The following PIP5K1B variants were observed in gnomAD, a reference collection of about 807,000 sequenced individuals.
PIP5K1B encodes the protein phosphatidylinositol-4-phosphate 5-kinase type 1 beta, also known as phosphatidylinositol 4-phosphate 5-kinase type-1 beta.
In PIP5K1B, 42 loss-of-function variants were observed where a neutral mutation model predicts 67.0. The ratio of observed to expected loss-of-function variants is 0.63; its 90% CI spans 0.49 to 0.81. The LOEUF is 0.81. Ranked by LOEUF, PIP5K1B falls within the 30% of genes least tolerant of loss-of-function variation. PIP5K1B has a pLI of 0.00. For synonymous variants in PIP5K1B, 214 were observed against 231.4 expected (o/e 0.92, Z 0.68); for missense variants, 459 against 646.3 (o/e 0.71, Z 3.14).
At chr9:68,960,850 C>G (rs930128333) in intron 14 of PIP5K1B, among the ~76,000 whole-genome samples, 2 of 152,134 alleles carry the variant, frequency 1.3e-5, no homozygotes, top group Non-Finnish European at 2.9e-5. Context: ...TCGATATTTT[C>G]GATCTCTTTT....
chr9:68,809,278 T>G (rs934968999), intron 2 of PIP5K1B, among the ~76,000 whole-genome samples: 1 of 151,978 alleles, frequency 6.6e-6, no homozygotes, highest in Non-Finnish European at 1.5e-5. Context: ...TCTCCTGCTT[T>G]TTGTTGTTGT....
intron 6 of PIP5K1B, among the ~76,000 whole-genome samples, chr9:68,884,665 TAAA>T (rs71353087): frequency 2.8e-4 from 38 of 133,404 alleles, no homozygotes; most frequent in Non-Finnish European, 2.5e-4. Flanking sequence ...ACCTTGTCTT[TAAA>T]AAAAAAAAAA....
At chr9:68,780,097 C>CG in intron 2 of PIP5K1B, 1 of 1,458,194 alleles carries the variant, frequency 6.9e-7, no homozygotes, top group Non-Finnish European at 9.0e-7. Context: ...CGGCGGCGGC[C>CG]CTGGACTGCG....
chr9:68,799,365 A>T (rs970566761), intron 2 of PIP5K1B, among the ~76,000 whole-genome samples: 1 of 152,224 alleles, frequency 6.6e-6, no homozygotes, highest in Non-Finnish European at 1.5e-5. Context: ...CAAAATCCCA[A>T]TGGTATTGTT....
chr9:68,922,280 C>T (rs557914444), intron 11 of PIP5K1B, among the ~76,000 whole-genome samples: 29 of 151,986 alleles, frequency 1.9e-4, no homozygotes, highest in African/African-American at 5.1e-4. Context: ...GCCTGGCCAA[C>T]ATGGTCAAAA....
intron 14 of PIP5K1B, among the ~76,000 whole-genome samples, chr9:68,965,993 G>T (rs1254166288): frequency 1.4e-5 from 2 of 142,132 alleles, no homozygotes; most frequent in Non-Finnish European, 3.1e-5. Context: ...AAAAAAAAAA[G>T]CTATTTGTAT....
chr9:68,836,645 G>A (rs2027204), intron 4 of PIP5K1B, among the ~76,000 whole-genome samples: 57,750 of 151,678 alleles, frequency 0.38, 11,209 homozygotes, highest in African/African-American at 0.45. Context: ...ACACACATAT[G>A]TATAGCTTAT....
At chr9:68,909,984 T>G (rs1232921369) in intron 8 of PIP5K1B, among the ~76,000 whole-genome samples, 3 of 152,154 alleles carry the variant, frequency 2.0e-5, no homozygotes, top group Non-Finnish European at 4.4e-5. Context: ...TTAATTTCCA[T>G]AAGAACCCCT....
intron 4 of PIP5K1B, among the ~76,000 whole-genome samples, chr9:68,862,805 A>T (rs998118958): frequency 1.9e-5 from 2 of 107,088 alleles, no homozygotes; most frequent in African/African-American, 3.4e-5. Flanking sequence ...AAAAAATAAA[A>T]AATAAATAAA....
chr9:68,734,197 TTTGA>T (rs1251848184), intron 1 of PIP5K1B, among the ~76,000 whole-genome samples: 1 of 152,192 alleles, frequency 6.6e-6, no homozygotes. Flanking sequence ...TATTGGACAA[TTTGA>T]TTGATCAAGG....
At chr9:68,949,979 A>G (rs563174875) in intron 14 of PIP5K1B, among the ~76,000 whole-genome samples, 1 of 152,340 alleles carries the variant, frequency 6.6e-6, no homozygotes, top group Non-Finnish European at 1.5e-5. Flanking sequence ...CGCTTGTTGT[A>G]TAGTTATCGA....
intron 2 of PIP5K1B, among the ~76,000 whole-genome samples, chr9:68,814,024 C>T (rs547186119): frequency 6.6e-6 from 1 of 152,210 alleles, no homozygotes; most frequent in East Asian, 1.9e-4. Context: ...AATGAAAGTC[C>T]CACGCAAGAC....
rs763364185 is a variant in PIP5K1B, at chr9:68,894,488, A to G, written c.621A>G (p.Ser207=). ...RMHFTYDLKG[S]TYKRRASRKE... ...ACTTTACATATGACTTGAAAGGCTC[A>G]ACGTATAAGCGAAGAGCATCCCGTA... Residue 207 remains serine (S), a synonymous_variant, in exon 8 of 16, where the codon TCA becomes TCG. Transcript: ENST00000265382. 4 of 1,614,168 alleles carry G rather than the reference A, an allele frequency of 2.5e-6. No individual in the cohort carries two copies. Among genetic ancestry groups the G allele is most frequent in the Non-Finnish European group, 3.4e-6 (4 of 1,180,012 alleles).
intron 1 of PIP5K1B, among the ~76,000 whole-genome samples, chr9:68,720,887 G>A (rs1346088446): frequency 6.6e-6 from 1 of 152,136 alleles, no homozygotes; most frequent in Non-Finnish European, 1.5e-5. Flanking sequence ...GTACATTCTG[G>A]CCCTAGTTGA....
At chr9:68,867,119 A>G (rs1394536745) in intron 5 of PIP5K1B, among the ~76,000 whole-genome samples, 1 of 150,804 alleles carries the variant, frequency 6.6e-6, no homozygotes, top group Non-Finnish European at 1.5e-5. Context: ...AAAACACCCC[A>G]TGAAAATAAA....
chr9:68,857,932 C>A (rs1822865049), intron 4 of PIP5K1B, among the ~76,000 whole-genome samples: 1 of 149,430 alleles, frequency 6.7e-6, no homozygotes, highest in Non-Finnish European at 1.5e-5. Context: ...TTCCCATACA[C>A]CCATATAAGA....
At chr9:68,871,912 T>G (rs1370253151) in intron 5 of PIP5K1B, among the ~76,000 whole-genome samples, 1 of 151,678 alleles carries the variant, frequency 6.6e-6, no homozygotes, top group African/African-American at 2.4e-5. Flanking sequence ...CGGGTGTTTT[T>G]TTTTTTTTTC....
chr9:68,948,769 T>G (rs79374854), intron 14 of PIP5K1B, among the ~76,000 whole-genome samples: 1 of 152,006 alleles, frequency 6.6e-6, no homozygotes, highest in Admixed American at 6.6e-5. Flanking sequence ...AGTCTGCACC[T>G]GGATTTTGCC....
At chr9:69,006,708 C>T (rs967477895) in intron 15 of PIP5K1B, among the ~76,000 whole-genome samples, 1 of 60,382 alleles carries the variant, frequency 1.7e-5, no homozygotes, top group Non-Finnish European at 4.9e-5. Context: ...TCAGGTTACT[C>T]ACTGTCCCTC....
Sources: gnomAD v4.1 joint callset for allele counts (sites outside exome capture counted in the v4.1 genomes callset) on GRCh38, gnomAD v4.1.1 for gene constraint, MANE v1.5 for transcripts, NCBI Gene and HGNC (gene_info 2026-07-23, HGNC 2026-07-21) for gene names.